The following PRCP variants were observed in gnomAD, a reference collection of about 807,000 sequenced individuals.
The protein encoded by PRCP is prolylcarboxypeptidase.
In PRCP, 46 loss-of-function variants were observed where a neutral mutation model predicts 54.2. That is an observed-to-expected ratio of 0.85 (90% CI 0.67 to 1.09). PRCP has a LOEUF of 1.09. PRCP is among the 50% of genes least tolerant of loss of function. PRCP has a pLI of 0.00. For missense variants in PRCP, 613 were observed against 596.8 expected (o/e 1.03, Z -0.28); for synonymous variants, 240 against 212.2 (o/e 1.13, Z -1.14).
At chr11:82,848,945 AG>A in intron 6 of PRCP, 103 bp downstream of exon 6, 1 of 1,177,712 alleles carries the variant, frequency 8.5e-7, no homozygotes, top group Non-Finnish European at 1.2e-6. Flanking sequence ...CAAACTCTGG[AG>A]CCCCTTTGTC....
At chr11:82,856,892 C>T (rs1020007516) in intron 2 of PRCP, among the ~76,000 whole-genome samples, 2 of 151,786 alleles carry the variant, frequency 1.3e-5, no homozygotes, top group South Asian at 2.1e-4. Context: ...AAAAATTAGC[C>T]GGGCGTGGTG....
Position 82,900,223 on chromosome 11 carries a change from G to C in PRCP, c.168+12C>G, listed in dbSNP as rs201350286. On this transcript the variant is annotated intron_variant, in intron 1 of 8. Transcript: ENST00000313010. The stretch of plus-strand genomic sequence containing the variant: ...TTGGGCCTGGGACGGCGAAGCCCCC[G>C]CTCCCCCTTACCTTCTGTTGGAAGT... The C allele has an allele frequency of 3.1e-6, 5 of 1,613,434 alleles. No homozygotes were observed. The highest frequency in any genetic ancestry group is 4.2e-6 in the Non-Finnish European group (5 of 1,179,716).
chr11:82,841,513 G>A (rs890211876), intron 6 of PRCP, among the ~76,000 whole-genome samples: 6 of 152,132 alleles, frequency 3.9e-5, no homozygotes, highest in African/African-American at 1.4e-4. Context: ...ATGCTCAAAT[G>A]TAATATGACT....
At chr11:82,874,690 C>CAAAAAAAAAAAAAAAAAA in intron 1 of PRCP, among the ~76,000 whole-genome samples, 1 of 68,834 alleles carries the variant, frequency 1.5e-5, no homozygotes, top group Non-Finnish European at 3.4e-5. Flanking sequence ...GACCCTGTCT[C>CAAAAAAAAAAAAAAAAAA]AAAAAAAAAA....
At chr11:82,886,477 T>A (rs1859867291) in intron 1 of PRCP, among the ~76,000 whole-genome samples, 1 of 151,948 alleles carries the variant, frequency 6.6e-6, no homozygotes, top group African/African-American at 2.4e-5. Flanking sequence ...AAAGACAGGG[T>A]CTTGCTTTCT....
At chr11:82,889,501 G>A (rs1031353377) in intron 1 of PRCP, among the ~76,000 whole-genome samples, 4 of 152,142 alleles carry the variant, frequency 2.6e-5, no homozygotes, top group Admixed American at 6.5e-5. Context: ...GCTCCTGGAG[G>A]AGGCAGAGGC....
intron 1 of PRCP, among the ~76,000 whole-genome samples, chr11:82,879,710 GT>G (rs1859700528): frequency 1.3e-5 from 2 of 152,304 alleles, no homozygotes; most frequent in South Asian, 4.1e-4. Context: ...TACAGATGGG[GT>G]TTTGGTGTGG....
At chr11:82,884,322 G>A (rs1859817772) in intron 1 of PRCP, among the ~76,000 whole-genome samples, 1 of 152,146 alleles carries the variant, frequency 6.6e-6, no homozygotes, top group Non-Finnish European at 1.5e-5. Context: ...ACTTTGGGAG[G>A]CTGAGTAGGA....
chr11:82,843,110 G>A (rs943197082), intron 6 of PRCP: 17 of 152,304 alleles, frequency 1.1e-4, no homozygotes, highest in African/African-American at 4.1e-4. Context: ...AGGAGTGCAA[G>A]ACCAGCCTGG....
chr11:82,859,365 G>A (rs1319080368), intron 2 of PRCP, among the ~76,000 whole-genome samples: 1 of 152,038 alleles, frequency 6.6e-6, no homozygotes, highest in Non-Finnish European at 1.5e-5. Flanking sequence ...ATTCCTATTT[G>A]TATATTTTTT....
intron 6 of PRCP, among the ~76,000 whole-genome samples, chr11:82,844,747 A>AAAAAAAAG (rs756222029): frequency 7.4e-5 from 10 of 136,048 alleles, no homozygotes; most frequent in African/African-American, 1.4e-4. Flanking sequence ...AAAAAAAAAA[A>AAAAAAAAG]AAAGAAAGAA....
At chr11:82,862,172 C>G (rs1859220962) in intron 1 of PRCP, among the ~76,000 whole-genome samples, 2 of 151,990 alleles carry the variant, frequency 1.3e-5, no homozygotes, top group South Asian at 4.1e-4. Flanking sequence ...AAGACTTGTT[C>G]ATTTTGTCAA....
At chr11:82,832,566 G>C (rs1858415005) in intron 8 of PRCP, among the ~76,000 whole-genome samples, 1 of 152,042 alleles carries the variant, frequency 6.6e-6, no homozygotes, top group African/African-American at 2.4e-5. Flanking sequence ...TTTTTCTCTT[G>C]TACATTTGTT....
rs1858996174 is a variant in PRCP at position 82,853,099 on chromosome 11, C to CTTATATAATTTATATATATA, written c.411+77_411+78insTATATATATAAATTATATAA. The stretch of plus-strand genomic sequence containing the variant: ...GGCATTTCAAATTTAAGTTATCTCA[C>CTTATATAATTTATATATATA]AGTGGGGCATATAATTTAGAAACTA... On this transcript the variant is annotated intron_variant, in intron 3 of 8. Transcript: ENST00000313010. 4 of 1,005,342 alleles carry CTTATATAATTTATATATATA rather than the reference C, an allele frequency of 4.0e-6. No individual in the cohort carries two copies. The East Asian group carries it at 1.1e-4, about 27-fold the overall frequency. 62.3% of individuals were successfully genotyped at this position (1,005,342 alleles called of 1,614,324 possible). A position where few individuals can be genotyped will look rare whatever the true frequency, so the allele number is the denominator to read the frequency against.
chr11:82,900,083 G>T, intron 1 of PRCP, 152 bp downstream of exon 1: 1 of 985,976 alleles, frequency 1.0e-6, no homozygotes, highest in East Asian at 2.5e-5. Flanking sequence ...ACTGGGATTT[G>T]GGACCACCTT....
chr11:82,892,523 C>T (rs1770170159), intron 1 of PRCP, among the ~76,000 whole-genome samples: 1 of 152,118 alleles, frequency 6.6e-6, no homozygotes, highest in Admixed American at 6.5e-5. Context: ...AATTACTCAA[C>T]ACTTACCAAA....
chr11:82,889,777 T>C (rs1859960712), intron 1 of PRCP, among the ~76,000 whole-genome samples: 1 of 152,090 alleles, frequency 6.6e-6, no homozygotes, highest in African/African-American at 2.4e-5. Context: ...GGGCCATAGA[T>C]TGAAAGGCCT....
At chr11:82,896,145 C>T (rs541959225) in intron 1 of PRCP, among the ~76,000 whole-genome samples, 1 of 152,272 alleles carries the variant, frequency 6.6e-6, no homozygotes, top group Admixed American at 6.5e-5. Flanking sequence ...TAAACTCCTA[C>T]CATGTTTTAT....
intron 1 of PRCP, among the ~76,000 whole-genome samples, chr11:82,868,426 A>G (rs1367811485): frequency 6.6e-6 from 1 of 152,176 alleles, no homozygotes; most frequent in Non-Finnish European, 1.5e-5. Flanking sequence ...AGTTCTGGAG[A>G]ATCTAACAGA....
Sources: allele counts gnomAD v4.1 joint callset (sites outside exome capture counted in the v4.1 genomes callset), GRCh38; gene constraint gnomAD v4.1.1; transcripts MANE v1.5; gene names NCBI Gene and HGNC (gene_info 2026-07-23, HGNC 2026-07-21).